The following SLC9A9 variants were observed in gnomAD, a reference collection of about 807,000 sequenced individuals.
SLC9A9 encodes the protein sodium/hydrogen exchanger 9.
SLC9A9 carries 62 observed loss-of-function variants against 77.8 expected under a neutral mutation model. That is an observed-to-expected ratio of 0.80 (90% CI 0.65 to 0.98). The LOEUF (loss-of-function observed/expected upper bound fraction) is 0.98. SLC9A9 is among the 50% of genes least tolerant of loss of function. SLC9A9 has a pLI of 0.00. For synonymous variants in SLC9A9, 320 were observed against 283.5 expected (o/e 1.13, Z -1.29); for missense variants, 775 against 774.9 (o/e 1.00, Z 0.00).
intron 4 of SLC9A9, among the ~76,000 whole-genome samples, chr3:143,758,745 C>T (rs2007013402): frequency 1.3e-5 from 2 of 152,030 alleles, no homozygotes; most frequent in South Asian, 4.1e-4. Context: ...ACTAGCAGGG[C>T]TGAGGGGAAC....
chr3:143,337,483 C>T (rs1329315364), intron 14 of SLC9A9, among the ~76,000 whole-genome samples: 1 of 152,208 alleles, frequency 6.6e-6, no homozygotes, highest in Non-Finnish European at 1.5e-5. Flanking sequence ...TCACATGTCC[C>T]CTGATGCAGT....
intron 13 of SLC9A9, among the ~76,000 whole-genome samples, chr3:143,368,881 AT>A (rs1275992342): frequency 2.6e-5 from 4 of 152,200 alleles, no homozygotes; most frequent in East Asian, 3.8e-4. Context: ...AAATAGAAAT[AT>A]TTTTTTCAAA....
intron 12 of SLC9A9, among the ~76,000 whole-genome samples, chr3:143,423,975 C>G (rs1173435689): frequency 1.3e-5 from 2 of 152,144 alleles, no homozygotes; most frequent in Non-Finnish European, 2.9e-5. Context: ...AGTATCTGAC[C>G]TGTAATCCTT....
intron 4 of SLC9A9, among the ~76,000 whole-genome samples, chr3:143,788,688 CA>C (rs71140455): frequency 0.42 from 37,333 of 88,550 alleles, 6,782 homozygotes; most frequent in Non-Finnish European, 0.52. Context: ...GAGACTCCAT[CA>C]AAAAAAAAAA....
chr3:143,337,357 C>T lies in SLC9A9; in HGVS notation c.1604+26127G>A, dbSNP rs556175870. Among the ~76,000 whole-genome samples, 7 of 152,226 alleles carry T rather than the reference C, an allele frequency of 4.6e-5. No homozygotes were observed. The East Asian group carries it at 9.6e-4, about 21-fold the overall frequency. On this transcript the variant is annotated intron_variant, in intron 14 of 15. Transcript: ENST00000316549. ...TGTATTTTGTCATGTGTACTCTACC[C>T]GTATGTCACCTGATAGGAAACATCA...
intron 14 of SLC9A9, among the ~76,000 whole-genome samples, chr3:143,308,352 G>A (rs891438492): frequency 2.6e-5 from 4 of 152,042 alleles, no homozygotes; most frequent in South Asian, 2.1e-4. Context: ...CGAGGCGGGC[G>A]GATCACGAGG....
intron 2 of SLC9A9, among the ~76,000 whole-genome samples, chr3:143,800,223 C>A (rs1336190808): frequency 4.6e-5 from 7 of 152,122 alleles, no homozygotes; most frequent in African/African-American, 9.7e-5. Flanking sequence ...CAATCATGCA[C>A]CCCTTATCAT....
At chr3:143,426,059 T>C (rs2034399575) in intron 12 of SLC9A9, among the ~76,000 whole-genome samples, 1 of 152,116 alleles carries the variant, frequency 6.6e-6, no homozygotes, top group East Asian at 1.9e-4. Flanking sequence ...GTCAGCTCTT[T>C]GAAGGAAGAA....
chr3:143,340,126 C>T (rs755497232), intron 14 of SLC9A9, among the ~76,000 whole-genome samples: 13 of 152,170 alleles, frequency 8.5e-5, no homozygotes, highest in Non-Finnish European at 1.6e-4. Context: ...CGCTTCATCT[C>T]CTGAGCACCC....
intron 4 of SLC9A9, among the ~76,000 whole-genome samples, chr3:143,696,097 G>A (rs1933632812): frequency 6.6e-6 from 1 of 152,264 alleles, no homozygotes; most frequent in Non-Finnish European, 1.5e-5. Context: ...TCTGTAGGTT[G>A]CCTGTTCACC....
intron 13 of SLC9A9, among the ~76,000 whole-genome samples, chr3:143,370,194 A>G (rs1429405226): frequency 2.6e-5 from 4 of 152,224 alleles, no homozygotes; most frequent in African/African-American, 9.6e-5. Flanking sequence ...ATATACTGGA[A>G]TAATAAATTC....
At position 143,323,124 on chromosome 3, in the gene SLC9A9, T is replaced by C. The variant is rs371327949; in HGVS notation, c.1604+40360A>G. ...AGAAACGGGAACTCTTATATACCGT[T>C]GGTGGGAATGTAAACTAGAACAGCC... is the stretch of plus-strand genomic sequence containing the variant. On this transcript the variant is annotated intron_variant, in intron 14 of 15. Coordinates refer to ENST00000316549, the MANE Select transcript of SLC9A9 (RefSeq NM_173653.4). Among the ~76,000 whole-genome samples, 4 of 152,184 alleles carry C rather than the reference T, an allele frequency of 2.6e-5. No individual in the cohort carries two copies. The East Asian group carries it at 7.7e-4, about 29-fold the overall frequency.
intron 12 of SLC9A9, among the ~76,000 whole-genome samples, chr3:143,438,908 C>CATGGATCCAAGAGCATA (rs1163937689): frequency 2.0e-5 from 3 of 152,174 alleles, no homozygotes; most frequent in Non-Finnish European, 2.9e-5. Flanking sequence ...GAGCCCAGGG[C>CATGGATCCAAGAGCATA]TTTTGCTGCA....
chr3:143,280,420 A>G (rs933494119), intron 14 of SLC9A9, among the ~76,000 whole-genome samples: 1 of 149,902 alleles, frequency 6.7e-6, no homozygotes, highest in Admixed American at 6.6e-5. Flanking sequence ...AGACACAAGG[A>G]GAGCCCTTTG....
At chr3:143,842,260 A>G (rs1411771162) in intron 1 of SLC9A9, among the ~76,000 whole-genome samples, 2 of 152,152 alleles carry the variant, frequency 1.3e-5, no homozygotes, top group African/African-American at 4.8e-5. Context: ...GGGCGCCTGT[A>G]GTCCCAACTA....
At chr3:143,274,086 T>C (rs947566261) in intron 14 of SLC9A9, among the ~76,000 whole-genome samples, 2 of 152,234 alleles carry the variant, frequency 1.3e-5, no homozygotes, top group Non-Finnish European at 2.9e-5. Context: ...CTCAATGTTA[T>C]ACTTGGGAGT....
intron 5 of SLC9A9, among the ~76,000 whole-genome samples, chr3:143,681,974 C>G (rs554761152): frequency 6.6e-6 from 1 of 152,282 alleles, no homozygotes; most frequent in South Asian, 2.1e-4. Context: ...CCACAGATTT[C>G]CACAACCCAA....
intron 2 of SLC9A9, among the ~76,000 whole-genome samples, chr3:143,817,767 C>T (rs1472895597): frequency 6.6e-6 from 1 of 151,814 alleles, no homozygotes; most frequent in Non-Finnish European, 1.5e-5. Flanking sequence ...TTCAAAGACC[C>T]AGAAGACATT....
At chr3:143,815,085 G>C (rs2008969870) in intron 2 of SLC9A9, among the ~76,000 whole-genome samples, 1 of 152,122 alleles carries the variant, frequency 6.6e-6, no homozygotes, top group Non-Finnish European at 1.5e-5. Flanking sequence ...TCAGGAAACA[G>C]AGTGGTAAGG....
Sources: gnomAD v4.1 joint callset for allele counts (sites outside exome capture counted in the v4.1 genomes callset) on GRCh38, gnomAD v4.1.1 for gene constraint, MANE v1.5 for transcripts, NCBI Gene and HGNC (gene_info 2026-07-23, HGNC 2026-07-21) for gene names.